Variants in RANBP2 observed in about 807,000 individuals in gnomAD.
RANBP2 encodes RAN binding protein 2.
A neutral mutation model predicts 303.6 loss-of-function variants in RANBP2; 57 were observed. That is an observed-to-expected ratio of 0.19 (90% confidence interval 0.15 to 0.23). The LOEUF (loss-of-function observed/expected upper bound fraction) is 0.23. RANBP2 is among the 10% of genes least tolerant of loss of function. The pLI is 1.00. For missense variants in RANBP2, 3,138 were observed against 3,780.8 expected, an observed-to-expected ratio of 0.83 and a Z score of 4.46; for synonymous variants, 1,167 against 1,301.5, an observed-to-expected ratio of 0.90 and a Z score of 2.23.
chr2:108,838,449 T>C, the RANBP2 span, among the ~76,000 whole-genome samples: 1 of 152,214 alleles, frequency 6.6e-6, no homozygotes, highest in Non-Finnish European at 1.5e-5. Context: ...TTTACTCTTA[T>C]AAACAGTGTA....
chr2:109,072,012 T>A, the RANBP2 span, among the ~76,000 whole-genome samples: 1 of 152,206 alleles, frequency 6.6e-6, no homozygotes. Flanking sequence ...TATCACAGGC[T>A]ATAGAAGTAA....
chr2:108,772,178 T>A (rs189423721), intron 21 of RANBP2, among the ~76,000 whole-genome samples: 23 of 152,300 alleles, frequency 1.5e-4, no homozygotes, highest in African/African-American at 5.5e-4. Flanking sequence ...AAGGTTCCAG[T>A]GGAAAACTTT....
chr2:109,467,401 C>T, the RANBP2 span, among the ~76,000 whole-genome samples: 3 of 152,192 alleles, frequency 2.0e-5, no homozygotes, highest in African/African-American at 7.2e-5. Flanking sequence ...TGGAGGGTCC[C>T]GTGTCTATAA....
the RANBP2 span, among the ~76,000 whole-genome samples, chr2:109,477,563 A>G: frequency 6.6e-6 from 1 of 152,162 alleles, no homozygotes; most frequent in Admixed American, 6.5e-5. Context: ...GACTGGGGTC[A>G]CAGCGCCTGT....
chr2:108,929,171 G>C, the RANBP2 span: 2 of 1,613,258 alleles, frequency 1.2e-6, no homozygotes, highest in East Asian at 2.2e-5. Context: ...AAGCATGCCA[G>C]GGTTTGCCAG....
chr2:109,223,722 C>T, the RANBP2 span, among the ~76,000 whole-genome samples: 14 of 152,210 alleles, frequency 9.2e-5, no homozygotes, highest in African/African-American at 2.7e-4. Context: ...CGGGATGTGT[C>T]GTTGTCTTTC....
the RANBP2 span, among the ~76,000 whole-genome samples, chr2:109,513,343 T>C: frequency 6.7e-6 from 1 of 150,178 alleles, no homozygotes; most frequent in Non-Finnish European, 1.5e-5. Context: ...CTCACACATG[T>C]ACACATGCAT....
the RANBP2 span, among the ~76,000 whole-genome samples, chr2:109,750,729 A>ATAAT: frequency 8.6e-5 from 9 of 105,142 alleles, no homozygotes; most frequent in Admixed American, 1.0e-4. Flanking sequence ...AATAATAATA[A>ATAAT]TTTTTTTTTT....
At chr2:108,902,611 C>G in the RANBP2 span, among the ~76,000 whole-genome samples, 1 of 152,114 alleles carries the variant, frequency 6.6e-6, no homozygotes, top group Admixed American at 6.6e-5. Flanking sequence ...CAAGATCTCT[C>G]ATGAATATAA....
chr2:109,189,149 C>T, the RANBP2 span, among the ~76,000 whole-genome samples: 94 of 152,018 alleles, frequency 6.2e-4, 1 homozygote, highest in East Asian at 0.017. Context: ...GCTGTGACCT[C>T]GCTGACAGTG....
At chr2:109,206,467 G>A in the RANBP2 span, among the ~76,000 whole-genome samples, 1 of 144,050 alleles carries the variant, frequency 6.9e-6, no homozygotes, top group African/African-American at 2.6e-5. Context: ...CTCCAGCCTG[G>A]GCGACAGAGT....
At chr2:109,372,880 C>T in the RANBP2 span, among the ~76,000 whole-genome samples, 17 of 152,234 alleles carry the variant, frequency 1.1e-4, no homozygotes, top group African/African-American at 2.7e-4. Context: ...ACACAGTGTG[C>T]AGATACTTAA....
downstream of RANBP2, among the ~76,000 whole-genome samples, chr2:108,789,569 G>T (rs1282640594): frequency 1.3e-5 from 2 of 152,204 alleles, no homozygotes; most frequent in African/African-American, 2.4e-5. Flanking sequence ...ACTCCAGCCT[G>T]GGTGATGAGC....
chr2:109,078,305 GTA>G, the RANBP2 span, among the ~76,000 whole-genome samples: 1 of 123,484 alleles, frequency 8.1e-6, no homozygotes, highest in Non-Finnish European at 1.7e-5. Context: ...TATATAGCGT[GTA>G]TATATATATG....
chr2:109,305,751 T>C, the RANBP2 span, among the ~76,000 whole-genome samples: 2 of 152,210 alleles, frequency 1.3e-5, no homozygotes, highest in Non-Finnish European at 2.9e-5. Flanking sequence ...CAGGCAGTGT[T>C]CTCTGCGGTT....
At chr2:109,611,668 G>A in the RANBP2 span, among the ~76,000 whole-genome samples, 1 of 152,174 alleles carries the variant, frequency 6.6e-6, no homozygotes, top group East Asian at 1.9e-4. Context: ...GGCTGAGGCA[G>A]GAGGATCGCT....
the RANBP2 span, among the ~76,000 whole-genome samples, chr2:109,610,065 C>T: frequency 6.6e-6 from 1 of 151,262 alleles, no homozygotes; most frequent in African/African-American, 2.4e-5. Flanking sequence ...GCTGTGATTC[C>T]TTAAGCGAGA....
the RANBP2 span, among the ~76,000 whole-genome samples, chr2:109,144,677 A>G: frequency 6.6e-6 from 1 of 152,190 alleles, no homozygotes; most frequent in Non-Finnish European, 1.5e-5. Flanking sequence ...CCGAGTCCTT[A>G]TGCCACTGCA....
chr2:108,858,203 G>T, the RANBP2 span, among the ~76,000 whole-genome samples: 2 of 152,160 alleles, frequency 1.3e-5, no homozygotes, highest in East Asian at 3.8e-4. Context: ...AATTAGCCGG[G>T]CATGGTGGTG....
Sources: gnomAD v4.1 joint callset for allele counts (sites outside exome capture counted in the v4.1 genomes callset) on GRCh38, gnomAD v4.1.1 for gene constraint, MANE v1.5 for transcripts, NCBI Gene and HGNC (gene_info 2026-07-23, HGNC 2026-07-21) for gene names.